CD28: variants seen among roughly 807,000 people sequenced by gnomAD.
The protein encoded by CD28 is CD28 molecule.
A neutral mutation model predicts 21.4 loss-of-function variants in CD28; 8 were observed. The ratio of observed to expected loss-of-function variants is 0.37; its 90% CI spans 0.22 to 0.68. The LOEUF (loss-of-function observed/expected upper bound fraction) is 0.68, where lower values mean the gene tolerates loss of function less well. Ranked by LOEUF, CD28 falls within the 30% of genes least tolerant of loss-of-function variation. The pLI, the probability that CD28 is intolerant of heterozygous loss-of-function variation, is 0.55. For synonymous variants in CD28, 106 were observed against 104.0 expected (o/e 1.02, Z -0.12); for missense variants, 239 against 272.2 (o/e 0.88, Z 0.86).
chr2:203,730,215 A>G (rs1264349894), intron 3 of CD28, among the ~76,000 whole-genome samples: 1 of 152,178 alleles, frequency 6.6e-6, no homozygotes, highest in East Asian at 1.9e-4. Context: ...GTGTATTCAA[A>G]CCTAGCAAAG....
intron 3 of CD28, 150 bp from the exon 4 acceptor site, chr2:203,734,634 A>T: frequency 1.2e-6 from 1 of 836,956 alleles, no homozygotes; most frequent in Non-Finnish European, 2.0e-6. Flanking sequence ...GGGTGTGATT[A>T]GTCATTACCC....
intron 2 of CD28, among the ~76,000 whole-genome samples, chr2:203,728,712 C>T (rs1172168231): frequency 1.3e-5 from 2 of 152,066 alleles, no homozygotes; most frequent in Non-Finnish European, 2.9e-5. Flanking sequence ...AAAAATTATG[C>T]TATTTTGCTT....
chr2:203,734,740 T>A, intron 3 of CD28, 44 bp from the exon 4 acceptor site: 1 of 1,611,670 alleles, frequency 6.2e-7, no homozygotes. Context: ...TAGAACTCCT[T>A]CCATGACATT....
At position 203,738,401 on chromosome 2, in the gene CD28, G is replaced by C. The variant is rs1441739811; in HGVS notation, c.*3489G>C. On this transcript the variant is annotated 3_prime_UTR_variant, in exon 4 of 4. Transcript: ENST00000324106. The stretch of plus-strand genomic sequence containing the variant: ...GGTGCCAATAAAGGACCCAGAACCA[G>C]GATCTTGATTGCTATAGACTTATTA... The C allele has an allele frequency of 6.6e-6, 1 of 152,144 alleles. No homozygotes were observed. Among genetic ancestry groups the C allele is most frequent in the African/African-American group, 2.4e-5 (1 of 41,416 alleles). The allele number at this position is 152,144 out of a possible 1,614,324, so 9.4% of individuals were successfully genotyped here. A position where few individuals can be genotyped will look rare whatever the true frequency, so the allele number is the denominator to read the frequency against.
At chr2:203,710,480 T>C (rs918207125) in intron 1 of CD28, among the ~76,000 whole-genome samples, 7 of 152,230 alleles carry the variant, frequency 4.6e-5, no homozygotes, top group Admixed American at 3.3e-4. Context: ...TTCAAACTTT[T>C]ACTATGGGTG....
chr2:203,726,595 T>C (rs1238691873), intron 1 of CD28, 38 bp from the exon 2 acceptor site: 2 of 1,462,546 alleles, frequency 1.4e-6, no homozygotes, highest in Non-Finnish European at 1.9e-6. Context: ...ATTATCCTTA[T>C]ATTCTTGTTC....
chr2:203,734,667 G>C (rs1043769483), intron 3 of CD28, 117 bp from the exon 4 acceptor site: 2 of 1,263,370 alleles, frequency 1.6e-6, no homozygotes, highest in Admixed American at 1.7e-5. Flanking sequence ...CTCAAAAAAG[G>C]TTAGTGTTTT....
rs1289007143 is a variant in CD28, at chr2:203,735,221, C to T, written c.*309C>T. On this transcript the variant is annotated 3_prime_UTR_variant, in exon 4 of 4. Transcript: ENST00000324106. ...CAAAAAGGGAGTGGATTCTGGGAGC[C>T]TCTTCCCTTTCTCACTCACCTGCAC... 1 of 329,172 alleles carries T rather than the reference C, an allele frequency of 3.0e-6. No individual in the cohort carries two copies. Among genetic ancestry groups the T allele is most frequent in the Admixed American group, 4.7e-5 (1 of 21,458 alleles). 20.4% of individuals were successfully genotyped at this position (329,172 alleles called of 1,614,324 possible). A position where few individuals can be genotyped will look rare whatever the true frequency, so the allele number is the denominator to read the frequency against.
chr2:203,727,762 C>A (rs1250684410), intron 2 of CD28, among the ~76,000 whole-genome samples: 1 of 152,026 alleles, frequency 6.6e-6, no homozygotes, highest in Non-Finnish European at 1.5e-5. Flanking sequence ...TCACTGCAAG[C>A]TCCGCCTCCC....
intron 1 of CD28, among the ~76,000 whole-genome samples, chr2:203,722,177 G>T (rs1019887151): frequency 6.6e-6 from 1 of 152,098 alleles, no homozygotes; most frequent in South Asian, 2.1e-4. Context: ...TTCCCAGGGC[G>T]GTGAGCAAGC....
intron 1 of CD28, among the ~76,000 whole-genome samples, chr2:203,713,563 G>A (rs192015293): frequency 6.6e-6 from 1 of 152,250 alleles, no homozygotes; most frequent in East Asian, 1.9e-4. Context: ...GTGAATAATG[G>A]CTTGGGATTT....
At chr2:203,734,545 C>T (rs938780228) in intron 3 of CD28, among the ~76,000 whole-genome samples, 1 of 152,166 alleles carries the variant, frequency 6.6e-6, no homozygotes, top group Non-Finnish European at 1.5e-5. Flanking sequence ...CAGATGACAG[C>T]ATTGAGAGTA....
Position 203,729,751 on chromosome 2 carries a change from A to G in CD28, c.513A>G (p.Thr171=). Residue 171 remains threonine (T), a synonymous_variant, in exon 3 of 4, where the codon ACA becomes ACG. Coordinates refer to ENST00000324106, the MANE Select transcript of CD28 (RefSeq NM_006139.4). ...GVLACYSLLV[T]VAFIIFWVRS... ...TGGCTTGCTATAGCTTGCTAGTAAC[A>G]GTGGCCTTTATTATTTTCTGGGTAA... is the stretch of plus-strand genomic sequence containing the variant. 1 of 1,613,884 alleles carries G rather than the reference A, an allele frequency of 6.2e-7. No homozygotes were observed. The highest frequency in any genetic ancestry group is 8.5e-7 in the Non-Finnish European group (1 of 1,179,902).
chr2:203,722,045 C>T (rs541004391), intron 1 of CD28, among the ~76,000 whole-genome samples: 24 of 152,218 alleles, frequency 1.6e-4, no homozygotes, highest in African/African-American at 5.8e-4. Flanking sequence ...CTTTTTTTGT[C>T]TCCACAAAGA....
intron 2 of CD28, among the ~76,000 whole-genome samples, chr2:203,729,169 A>C (rs1014906865): frequency 2.6e-5 from 4 of 152,332 alleles, no homozygotes; most frequent in South Asian, 2.1e-4. Flanking sequence ...TATATAATCT[A>C]TGAGACAGGG....
intron 2 of CD28, among the ~76,000 whole-genome samples, chr2:203,727,471 C>T (rs1205002028): frequency 9.2e-5 from 10 of 108,572 alleles, no homozygotes; most frequent in Middle Eastern, 0.01. Context: ...CCTTCCTTTT[C>T]TTTTCTTTTT....
intron 1 of CD28, among the ~76,000 whole-genome samples, chr2:203,709,883 G>A (rs1044366765): frequency 3.9e-5 from 6 of 152,150 alleles, no homozygotes; most frequent in African/African-American, 1.4e-4. Flanking sequence ...TGTCAAAATG[G>A]CCAGTTTGGA....
At chr2:203,723,675 A>C (rs1310980100) in intron 1 of CD28, among the ~76,000 whole-genome samples, 1 of 152,188 alleles carries the variant, frequency 6.6e-6, no homozygotes, top group Non-Finnish European at 1.5e-5. Flanking sequence ...GAAATAGCAA[A>C]TCAAACCATG....
intron 2 of CD28, among the ~76,000 whole-genome samples, chr2:203,727,830 C>A (rs961158124): frequency 2.6e-5 from 4 of 152,194 alleles, no homozygotes; most frequent in Admixed American, 2.6e-4. Context: ...CAGGTACCTG[C>A]CACCATGCCC....
Sources: gnomAD v4.1 joint callset for allele counts (sites outside exome capture counted in the v4.1 genomes callset) on GRCh38, gnomAD v4.1.1 for gene constraint, MANE v1.5 for transcripts, NCBI Gene and HGNC (gene_info 2026-07-23, HGNC 2026-07-21) for gene names.